SGCZ: variants seen among roughly 807,000 people sequenced by gnomAD.
SGCZ encodes sarcoglycan zeta, also known as zeta-sarcoglycan.
Under a neutral mutation model 41.3 loss-of-function variants are expected in SGCZ, and 40 were observed. The observed-to-expected ratio is 0.97, with a 90% CI of 0.75 to 1.26. The LOEUF is 1.26. Ranked by LOEUF, SGCZ falls within the 50% of genes most tolerant of loss-of-function variation. The pLI is 0.00. For synonymous variants in SGCZ, 206 were observed against 137.5 expected, an observed-to-expected ratio of 1.50 and a Z score of -3.49; for missense variants, 552 against 369.8, an observed-to-expected ratio of 1.49 and a Z score of -4.04.
At chr8:15,080,652 G>A (rs568657636) in intron 1 of SGCZ, among the ~76,000 whole-genome samples, 123 of 152,078 alleles carry the variant, frequency 8.1e-4, no homozygotes, top group African/African-American at 2.8e-3. Flanking sequence ...GTGCAGTGGC[G>A]CAATCTCAGC....
At chr8:14,873,918 A>G (rs180924675) in intron 1 of SGCZ, among the ~76,000 whole-genome samples, 5 of 152,226 alleles carry the variant, frequency 3.3e-5, no homozygotes, top group Non-Finnish European at 7.4e-5. Context: ...AGTGGCAGAG[A>G]TTTATAACTC....
intron 1 of SGCZ, among the ~76,000 whole-genome samples, chr8:15,008,207 G>C (rs1439228807): frequency 6.6e-6 from 1 of 151,916 alleles, no homozygotes; most frequent in Non-Finnish European, 1.5e-5. Context: ...TGTCCTCTTG[G>C]ATTTGCTATT....
intron 2 of SGCZ, among the ~76,000 whole-genome samples, chr8:14,443,764 G>A (rs1400760084): frequency 2.6e-5 from 4 of 151,994 alleles, no homozygotes; most frequent in African/African-American, 7.3e-5. Context: ...AGGACTTCAT[G>A]TCTAAAACAC....
chr8:14,934,486 A>T (rs1800020720), intron 1 of SGCZ, among the ~76,000 whole-genome samples: 1 of 151,964 alleles, frequency 6.6e-6, no homozygotes, highest in Admixed American at 6.5e-5. Context: ...TTTACAAAGG[A>T]GATTAGCCAC....
intron 2 of SGCZ, among the ~76,000 whole-genome samples, chr8:14,403,500 G>C (rs1023566980): frequency 6.6e-6 from 1 of 151,904 alleles, no homozygotes; most frequent in Admixed American, 6.6e-5. Flanking sequence ...TTAGCATGAA[G>C]GTTGTTGAAT....
chr8:14,920,124 C>A (rs934343320), intron 1 of SGCZ, among the ~76,000 whole-genome samples: 1 of 152,060 alleles, frequency 6.6e-6, no homozygotes, highest in Non-Finnish European at 1.5e-5. Context: ...AATTTTGTAT[C>A]ATTTACAAGT....
At chr8:15,206,396 T>A (rs1801066219) in intron 1 of SGCZ, among the ~76,000 whole-genome samples, 1 of 151,390 alleles carries the variant, frequency 6.6e-6, no homozygotes, top group Non-Finnish European at 1.5e-5. Context: ...CAGCAGAGGG[T>A]CATTTTAAGA....
intron 2 of SGCZ, among the ~76,000 whole-genome samples, chr8:14,444,729 G>A (rs942044690): frequency 2.0e-5 from 3 of 151,740 alleles, no homozygotes; most frequent in Non-Finnish European, 2.9e-5. Flanking sequence ...GAGTTAATGG[G>A]TGCAGCACAC....
chr8:14,436,353 C>A (rs1481944804), intron 2 of SGCZ, among the ~76,000 whole-genome samples: 1 of 152,144 alleles, frequency 6.6e-6, no homozygotes, highest in African/African-American at 2.4e-5. Context: ...GGTTTGTGTT[C>A]TTTGTTCTTC....
chr8:14,620,763 G>A (rs140926243), intron 1 of SGCZ, among the ~76,000 whole-genome samples: 21,652 of 152,094 alleles, frequency 0.14, 1,861 homozygotes, highest in Non-Finnish European at 0.19. Flanking sequence ...CAGTTAGAAC[G>A]GCGATCATTA....
intron 4 of SGCZ, among the ~76,000 whole-genome samples, chr8:14,200,698 C>T (rs900617152): frequency 3.3e-5 from 5 of 152,088 alleles, no homozygotes; most frequent in Non-Finnish European, 7.4e-5. Context: ...CTAGAAGCCT[C>T]AGAGTAGAGC....
At chr8:14,137,363 A>G (rs1041164824) in intron 5 of SGCZ, among the ~76,000 whole-genome samples, 3 of 152,244 alleles carry the variant, frequency 2.0e-5, no homozygotes, top group Non-Finnish European at 4.4e-5. Context: ...TCAGAAGATC[A>G]GTAATAACAA....
At chr8:14,824,390 T>C (rs1237459396) in intron 1 of SGCZ, among the ~76,000 whole-genome samples, 9 of 152,132 alleles carry the variant, frequency 5.9e-5, no homozygotes, top group South Asian at 4.1e-4. Context: ...TGTGCCACTT[T>C]AATAGTAATA....
intron 2 of SGCZ, among the ~76,000 whole-genome samples, chr8:14,396,260 C>A (rs1192426188): frequency 2.0e-5 from 3 of 152,130 alleles, no homozygotes; most frequent in African/African-American, 7.2e-5. Context: ...AAGGTAAGGA[C>A]TTAAAATGAA....
intron 4 of SGCZ, among the ~76,000 whole-genome samples, chr8:14,208,162 T>C (rs1018650546): frequency 1.3e-5 from 2 of 152,180 alleles, no homozygotes; most frequent in African/African-American, 4.8e-5. Flanking sequence ...CCCATTAAAA[T>C]GAAAGTCTGC....
At chr8:14,992,964 C>T (rs1418209077) in intron 1 of SGCZ, among the ~76,000 whole-genome samples, 1 of 151,516 alleles carries the variant, frequency 6.6e-6, no homozygotes, top group Non-Finnish European at 1.5e-5. Context: ...CACCCATCCT[C>T]CTCCTTCAAT....
chr8:14,556,880 T>C (rs147581184), intron 1 of SGCZ, among the ~76,000 whole-genome samples: 153 of 152,236 alleles, frequency 1.0e-3, no homozygotes, highest in Non-Finnish European at 1.7e-3. Flanking sequence ...TTGTGAATTG[T>C]GCTGCTATAA....
chr8:14,204,628 C>G (rs544981368), intron 4 of SGCZ, among the ~76,000 whole-genome samples: 1 of 152,254 alleles, frequency 6.6e-6, no homozygotes, highest in African/African-American at 2.4e-5. Flanking sequence ...TTTGAATTGA[C>G]TAGAGAAAAC....
intron 1 of SGCZ, among the ~76,000 whole-genome samples, chr8:14,950,580 T>C (rs530813269): frequency 1.3e-5 from 2 of 152,110 alleles, no homozygotes; most frequent in South Asian, 2.1e-4. Context: ...GTCAAGTGGG[T>C]TGTGTTTTCA....
Sources: gnomAD v4.1 joint callset for allele counts (sites outside exome capture counted in the v4.1 genomes callset) on GRCh38, gnomAD v4.1.1 for gene constraint, MANE v1.5 for transcripts, NCBI Gene and HGNC (gene_info 2026-07-23, HGNC 2026-07-21) for gene names.